FTO: variants seen among roughly 807,000 people sequenced by gnomAD.
FTO encodes FTO alpha-ketoglutarate dependent dioxygenase.
Under a neutral mutation model 63.9 loss-of-function variants are expected in FTO, and 47 were observed. That is an observed-to-expected ratio of 0.74 (90% CI 0.58 to 0.94). The LOEUF is 0.94. Ranked by LOEUF, FTO falls within the 40% of genes least tolerant of loss-of-function variation. The pLI is 0.00. For missense variants in FTO, 562 were observed against 618.1 expected (o/e 0.91, Z 0.96); for synonymous variants, 207 against 224.4 (o/e 0.92, Z 0.69).
chr16:53,935,651 C>G (rs2082372112), intron 8 of FTO: 1 of 152,142 alleles, frequency 6.6e-6, no homozygotes, highest in South Asian at 2.1e-4. Flanking sequence ...TCAAGCGATC[C>G]TCTTGCCTTG....
At chr16:54,060,303 GA>G (rs2085539853) in intron 8 of FTO, among the ~76,000 whole-genome samples, 1 of 152,200 alleles carries the variant, frequency 6.6e-6, no homozygotes, top group Non-Finnish European at 1.5e-5. Flanking sequence ...GAATGAAGAA[GA>G]TTGGATAAAA....
chr16:54,046,130 A>T (rs2085167050), intron 8 of FTO, among the ~76,000 whole-genome samples: 1 of 96,132 alleles, frequency 1.0e-5, no homozygotes, highest in Non-Finnish European at 1.8e-5. Flanking sequence ...CAGGAGAAGG[A>T]AATAAAGGGT....
intron 3 of FTO, among the ~76,000 whole-genome samples, chr16:53,829,034 G>T (rs374242001): frequency 1.3e-5 from 2 of 152,090 alleles, no homozygotes; most frequent in African/African-American, 2.4e-5. Flanking sequence ...GGGATTACAG[G>T]CATGCACCAC....
At chr16:54,057,753 G>A (rs750534469) in intron 8 of FTO, among the ~76,000 whole-genome samples, 13 of 152,040 alleles carry the variant, frequency 8.6e-5, no homozygotes, top group Non-Finnish European at 1.5e-4. Context: ...ATGCTCGCCC[G>A]ATATATAAAT....
chr16:53,806,909 C>T (rs1207816407), intron 1 of FTO, among the ~76,000 whole-genome samples: 3 of 152,132 alleles, frequency 2.0e-5, no homozygotes, highest in African/African-American at 4.8e-5. Context: ...TTTTGTTTTG[C>T]CCTCCTGACA....
chr16:54,077,625 G>T (rs567827715), intron 8 of FTO, among the ~76,000 whole-genome samples: 17 of 152,300 alleles, frequency 1.1e-4, no homozygotes, highest in African/African-American at 3.4e-4. Context: ...AGTTCAGCCA[G>T]ACAGGAAAGG....
At position 54,022,251 on chromosome 16, in the gene FTO, G is replaced by A. The variant is rs559808295; in HGVS notation, c.1364+88142G>A. Among the ~76,000 whole-genome samples the A allele has an allele frequency of 5.9e-5, 9 of 152,270 alleles. No homozygotes were observed. In the South Asian group the frequency reaches 1.9e-3, roughly 32 times the overall value. On this transcript the variant is annotated intron_variant, in intron 8 of 8. Coordinates refer to ENST00000471389, the MANE Select transcript of FTO (RefSeq NM_001080432.3). ...GCGTCTCCTAGGTGAGCGGCTCGTAGTCCATATGGAGCAAATTAGACAGTG... is the reference window on the plus strand; with the variant it reads ...GCGTCTCCTAGGTGAGCGGCTCGTAATCCATATGGAGCAAATTAGACAGTG...
intron 8 of FTO, among the ~76,000 whole-genome samples, chr16:53,948,917 T>G (rs1050052620): frequency 6.6e-6 from 1 of 152,206 alleles, no homozygotes; most frequent in Non-Finnish European, 1.5e-5. Context: ...CTTGTGACCT[T>G]GTAACATTGC....
chr16:53,724,217 C>T, intron 1 of FTO, among the ~76,000 whole-genome samples: 1 of 152,210 alleles, frequency 6.6e-6, no homozygotes, highest in East Asian at 1.9e-4. Flanking sequence ...CATACTAATT[C>T]ATTCCCCAGA....
At chr16:53,721,222 G>T (rs1270541260) in intron 1 of FTO, among the ~76,000 whole-genome samples, 1 of 152,144 alleles carries the variant, frequency 6.6e-6, no homozygotes, top group Non-Finnish European at 1.5e-5. Flanking sequence ...CACACAGTCT[G>T]GTGAAATGCA....
At chr16:53,875,941 G>A (rs1017140955) in intron 5 of FTO, among the ~76,000 whole-genome samples, 46 of 152,288 alleles carry the variant, frequency 3.0e-4, no homozygotes, top group Middle Eastern at 3.4e-3. Flanking sequence ...CACCCACCTC[G>A]GCCTCCCAAA....
chr16:54,110,314 G>A (rs766963615), intron 8 of FTO, among the ~76,000 whole-genome samples: 3 of 152,164 alleles, frequency 2.0e-5, no homozygotes, highest in Non-Finnish European at 2.9e-5. Flanking sequence ...TAAATAATGA[G>A]AACATTTAAA....
intron 8 of FTO, among the ~76,000 whole-genome samples, chr16:53,946,365 C>T (rs1000825664): frequency 6.6e-6 from 1 of 152,146 alleles, no homozygotes; most frequent in Non-Finnish European, 1.5e-5. Flanking sequence ...TTTGATGGGA[C>T]TCTTCTGATT....
intron 7 of FTO, among the ~76,000 whole-genome samples, chr16:53,895,666 G>A (rs1468089819): frequency 1.3e-5 from 2 of 152,206 alleles, no homozygotes; most frequent in Non-Finnish European, 2.9e-5. Context: ...CAGTGGGTAG[G>A]ACTTTCTGTT....
intron 8 of FTO, among the ~76,000 whole-genome samples, chr16:54,036,707 G>A (rs2084947885): frequency 2.0e-5 from 3 of 152,156 alleles, no homozygotes; most frequent in African/African-American, 7.2e-5. Context: ...CTTTTTATAA[G>A]CTCATTGCCT....
chr16:53,915,537 T>C (rs565535260), intron 7 of FTO, among the ~76,000 whole-genome samples: 1 of 152,308 alleles, frequency 6.6e-6, no homozygotes, highest in South Asian at 2.1e-4. Flanking sequence ...TTCTGCTCCT[T>C]AAGAGTTAAC....
chr16:54,087,576 G>C (rs945760860), intron 8 of FTO, among the ~76,000 whole-genome samples: 2 of 152,232 alleles, frequency 1.3e-5, no homozygotes, highest in African/African-American at 2.4e-5. Context: ...GGCCAGAGAG[G>C]AAAGATCACT....
chr16:54,062,935 C>A (rs2085619876), intron 8 of FTO, among the ~76,000 whole-genome samples: 1 of 152,208 alleles, frequency 6.6e-6, no homozygotes, highest in South Asian at 2.1e-4. Flanking sequence ...TGGACTGCAA[C>A]CCCAGTGACA....
chr16:53,754,001 A>G (rs565143447), intron 1 of FTO, among the ~76,000 whole-genome samples: 5 of 152,266 alleles, frequency 3.3e-5, no homozygotes, highest in African/African-American at 7.2e-5. Context: ...TAATTTTTAT[A>G]TCTTGCCTGT....
Sources: allele counts gnomAD v4.1 joint callset (sites outside exome capture counted in the v4.1 genomes callset), GRCh38; gene constraint gnomAD v4.1.1; transcripts MANE v1.5; gene names NCBI Gene and HGNC (gene_info 2026-07-23, HGNC 2026-07-21).